The following SGSM1 variants were observed in gnomAD, a reference collection of about 807,000 sequenced individuals.
SGSM1 encodes RUN and TBC1 domain containing 2.
Under a neutral mutation model 133.8 loss-of-function variants are expected in SGSM1, and 73 were observed. The ratio of observed to expected loss-of-function variants is 0.55; its 90% confidence interval spans 0.45 to 0.66. The LOEUF (loss-of-function observed/expected upper bound fraction) is 0.66. Among genes scored for constraint, SGSM1 ranks in the 30% least tolerant of loss-of-function variants. SGSM1 has a pLI of 0.00. For missense variants in SGSM1, 1,213 were observed against 1,448.1 expected (o/e 0.84, Z 2.64); for synonymous variants, 563 against 573.0 (o/e 0.98, Z 0.25).
intron 15 of SGSM1, 104 bp from the exon 16 acceptor site, chr22:24,886,496 G>A (rs1932608198): frequency 7.1e-7 from 1 of 1,413,898 alleles, no homozygotes; most frequent in Admixed American, 2.2e-5. Flanking sequence ...TGAAGGTCAG[G>A]AGTTCAAGAC....
chr22:24,828,440 AG>A lies in SGSM1; in HGVS notation c.64-16452del, dbSNP rs558641436. Among the ~76,000 whole-genome samples, 1,403 of 152,306 alleles carry A rather than the reference AG, an allele frequency of 9.2e-3. 21 individuals carry two copies. Among genetic ancestry groups the A allele is most frequent in the African/African-American group, 0.031 (1,305 of 41,564 alleles). Reference sequence around the variant, plus strand: ...AAGAGAAAAGAAAACCTCATTAAAAAGGGGGCAAATGACATGAACAGACACT... The same window carrying A: ...AAGAGAAAAGAAAACCTCATTAAAAAGGGGCAAATGACATGAACAGACACT... On this transcript the variant is annotated intron_variant, in intron 2 of 24. Coordinates refer to ENST00000400358, the MANE Select transcript of SGSM1 (RefSeq NM_001098497.3).
At chr22:24,875,442 G>A (rs1377289900) in intron 12 of SGSM1, among the ~76,000 whole-genome samples, 2 of 152,074 alleles carry the variant, frequency 1.3e-5, no homozygotes, top group African/African-American at 4.8e-5. Context: ...GAACAACAGA[G>A]TCAGGTGCTT....
In SGSM1 at chr22:24,898,406, C is replaced by T. The variant is rs755384307; in HGVS notation, c.2457C>T (p.Ser819=). The part of the protein sequence containing the change: ...KDDVVMEGWR[S]SETEKHGQAD... ...ATGTTGTGATGGAGGGCTGGAGGAGCAGCGAGACAGAGAAACATGGCCAGG... is the reference window on the plus strand; with the variant it reads ...ATGTTGTGATGGAGGGCTGGAGGAGTAGCGAGACAGAGAAACATGGCCAGG... Residue 819 remains serine, a synonymous_variant, in exon 19 of 25, where the codon AGC becomes AGT. Coordinates refer to ENST00000400358, the MANE Select transcript of SGSM1 (RefSeq NM_001098497.3). The T allele has an allele frequency of 3.7e-6, 6 of 1,613,882 alleles. No individual in the cohort carries two copies. The highest frequency in any genetic ancestry group is 5.1e-6 in the Non-Finnish European group (6 of 1,179,860).
rs144062689 is a variant in SGSM1, at chr22:24,912,151, A to G, written c.2819-492A>G. 6.8e-3 allele frequency among the ~76,000 whole-genome samples: 1,035 copies of G among 152,238 alleles called. 4 individuals are homozygous for G. Among genetic ancestry groups the G allele is most frequent in the Non-Finnish European group, 0.011 (750 of 68,020 alleles). The stretch of plus-strand genomic sequence containing the variant: ...GCCAAGAGGAGCTTAAGGGAACATA[A>G]CCAATTGATGTAATGTGCTGTTCTG... On this transcript the variant is annotated intron_variant, in intron 21 of 24. Coordinates refer to ENST00000400358, the MANE Select transcript of SGSM1 (RefSeq NM_001098497.3).
chr22:24,833,140 G>T (rs1929216088), intron 2 of SGSM1, among the ~76,000 whole-genome samples: 1 of 151,350 alleles, frequency 6.6e-6, no homozygotes, highest in Admixed American at 6.6e-5. Flanking sequence ...TCACCATGTT[G>T]GCCAGGCTGG....
At chr22:24,844,668 C>T in intron 2 of SGSM1, 1 of 531,884 alleles carries the variant, frequency 1.9e-6, no homozygotes, top group Non-Finnish European at 3.4e-6. Flanking sequence ...CAGCAGCCTG[C>T]TGTGTGAAGA....
intron 3 of SGSM1, among the ~76,000 whole-genome samples, chr22:24,847,062 G>C (rs1311598589): frequency 6.6e-6 from 1 of 151,864 alleles, no homozygotes; most frequent in Non-Finnish European, 1.5e-5. Context: ...GGATGGTCTC[G>C]ATCTCCTGAC....
At position 24,925,941 on chromosome 22, in the gene SGSM1, G is replaced by A. The variant is rs531479045; in HGVS notation, c.*1667G>A. On this transcript the variant is annotated 3_prime_UTR_variant, in exon 25 of 25. Transcript: ENST00000400358. ...TCCTTTCAATAGAGCAGTCTTTCCC[G>A]CTCTTCTGTTCTGAGAATGCACCCG... 1 of 152,286 alleles carries A rather than the reference G, an allele frequency of 6.6e-6. No individual in the cohort carries two copies. The highest frequency in any genetic ancestry group is 1.9e-4 in the East Asian group (1 of 5,180). 9.4% of individuals were successfully genotyped at this position (152,286 alleles called of 1,614,324 possible). A position where few individuals can be genotyped will look rare whatever the true frequency, so the allele number is the denominator to read the frequency against.
At chr22:24,816,417 C>CTTT (rs3062145) in intron 2 of SGSM1, among the ~76,000 whole-genome samples, 1,895 of 130,070 alleles carry the variant, frequency 0.015, 67 homozygotes, top group Middle Eastern at 0.029. Context: ...TTTTTTCTTT[C>CTTT]TTTTTTTTTT....
At chr22:24,922,165 A>C in intron 24 of SGSM1, among the ~76,000 whole-genome samples, 1 of 145,056 alleles carries the variant, frequency 6.9e-6, no homozygotes, top group Admixed American at 6.9e-5. Flanking sequence ...TGATTTTCAC[A>C]TGGCACTTAC....
chr22:24,845,003 T>G, intron 3 of SGSM1, 31 bp downstream of exon 3: 1 of 1,609,128 alleles, frequency 6.2e-7, no homozygotes, highest in Non-Finnish European at 8.5e-7. Flanking sequence ...AGTGGCTTCT[T>G]TCTCTGTGGG....
At chr22:24,878,384 G>A (rs150828345) in intron 13 of SGSM1, among the ~76,000 whole-genome samples, 7 of 152,272 alleles carry the variant, frequency 4.6e-5, no homozygotes, top group East Asian at 1.9e-4. Flanking sequence ...AGTCTACAGC[G>A]GGAAAGCTGT....
At chr22:24,872,165 T>C (rs1448680575) in intron 12 of SGSM1, among the ~76,000 whole-genome samples, 1 of 152,192 alleles carries the variant, frequency 6.6e-6, no homozygotes, top group Non-Finnish European at 1.5e-5. Context: ...ATATATGCCT[T>C]AAATATAAAG....
At chr22:24,829,624 A>G (rs1370947736) in intron 2 of SGSM1, among the ~76,000 whole-genome samples, 2 of 152,178 alleles carry the variant, frequency 1.3e-5, no homozygotes, top group African/African-American at 4.8e-5. Flanking sequence ...CAAGGTATTC[A>G]TTAGAACAAG....
intron 2 of SGSM1, among the ~76,000 whole-genome samples, chr22:24,820,790 C>T (rs1030093678): frequency 1.3e-5 from 2 of 152,178 alleles, no homozygotes; most frequent in African/African-American, 4.8e-5. Context: ...CTGGGCATGG[C>T]GGAGACAACA....
chr22:24,811,447 G>T (rs549808401), intron 2 of SGSM1, among the ~76,000 whole-genome samples: 24 of 152,268 alleles, frequency 1.6e-4, no homozygotes, highest in African/African-American at 5.8e-4. Context: ...GGGTGGGCAG[G>T]GGCAGGGAAC....
At chr22:24,850,167 T>C in intron 4 of SGSM1, 113 bp from the exon 5 acceptor site, 2 of 1,133,736 alleles carry the variant, frequency 1.8e-6, no homozygotes, top group Non-Finnish European at 2.5e-6. Flanking sequence ...TCTTCTTGTT[T>C]AGCTGCCATT....
intron 9 of SGSM1, among the ~76,000 whole-genome samples, chr22:24,860,908 A>T (rs1434514320): frequency 1.2e-4 from 11 of 91,122 alleles, no homozygotes; most frequent in African/African-American, 5.3e-4. Flanking sequence ...AAAAAAAAAA[A>T]AAAAAAAAAA....
intron 8 of SGSM1, among the ~76,000 whole-genome samples, chr22:24,856,828 G>C (rs1306857964): frequency 6.6e-6 from 1 of 150,924 alleles, no homozygotes; most frequent in Non-Finnish European, 1.5e-5. Context: ...GCATGCAGGG[G>C]TGCGATTTCA....
Sources: gnomAD v4.1 joint callset for allele counts (sites outside exome capture counted in the v4.1 genomes callset) on GRCh38, gnomAD v4.1.1 for gene constraint, MANE v1.5 for transcripts, NCBI Gene and HGNC (gene_info 2026-07-23, HGNC 2026-07-21) for gene names.